The following AGAP1 variants were observed in gnomAD, a reference collection of about 807,000 sequenced individuals.
AGAP1 encodes ArfGAP with GTPase domain, ankyrin repeat and PH domain 1, also known as arf-GAP with GTPase, ANK repeat and PH domain-containing protein 1.
A neutral mutation model predicts 105.3 loss-of-function variants in AGAP1; 29 were observed. That is an observed-to-expected ratio of 0.28 (90% CI 0.21 to 0.38). The LOEUF is 0.38. Among genes scored for constraint, AGAP1 ranks in the 10% least tolerant of loss-of-function variants. AGAP1 has a pLI of 1.00. For synonymous variants in AGAP1, 509 were observed against 485.9 expected, an observed-to-expected ratio of 1.05 and a Z score of -0.63; for missense variants, 998 against 1,165.1, an observed-to-expected ratio of 0.86 and a Z score of 2.09.
At chr2:235,938,441 A>G (rs1336510265) in intron 12 of AGAP1, among the ~76,000 whole-genome samples, 1 of 152,238 alleles carries the variant, frequency 6.6e-6, no homozygotes, top group Non-Finnish European at 1.5e-5. Context: ...GGGTGAGGCC[A>G]TCAGATGTGT....
chr2:235,717,490 T>C, intron 2 of AGAP1, 67 bp from the exon 3 acceptor site: 1 of 1,385,330 alleles, frequency 7.2e-7, no homozygotes, highest in South Asian at 1.3e-5. Context: ...TTTTAGCCTC[T>C]TAGTATTTGC....
intron 1 of AGAP1, chr2:235,507,485 T>G (rs1335566478): frequency 2.6e-5 from 4 of 152,228 alleles, no homozygotes; most frequent in Non-Finnish European, 4.4e-5. Flanking sequence ...TGCTCCAGAT[T>G]CCAGAAATTT....
chr2:235,783,715 G>T (rs1956423478), intron 6 of AGAP1, among the ~76,000 whole-genome samples: 1 of 151,900 alleles, frequency 6.6e-6, no homozygotes, highest in Non-Finnish European at 1.5e-5. Flanking sequence ...TTGCCAGGAA[G>T]TGAGAAGGAG....
chr2:235,894,277 G>A (rs1472968204), intron 10 of AGAP1, among the ~76,000 whole-genome samples: 1 of 152,156 alleles, frequency 6.6e-6, no homozygotes, highest in Non-Finnish European at 1.5e-5. Context: ...CCAGTTGGTT[G>A]GCTATTCTTG....
At chr2:235,922,984 A>G (rs889697912) in intron 11 of AGAP1, among the ~76,000 whole-genome samples, 1 of 152,216 alleles carries the variant, frequency 6.6e-6, no homozygotes, top group Non-Finnish European at 1.5e-5. Context: ...GCAGCTCAGT[A>G]AGCACACACA....
In AGAP1 at chr2:235,815,061, G is replaced by A. The variant is rs537127776; in HGVS notation, c.1050+7730G>A. Among the ~76,000 whole-genome samples the A allele has an allele frequency of 2.6e-5, 4 of 152,240 alleles. No individual in the cohort carries two copies. In the Middle Eastern group the frequency reaches 0.014, roughly 518 times the overall value. ...TATTGACCACTTTTCCGAGTGCCCTGTCCTAGAGCTTTCCACTGCTGTCCC... is the reference window on the plus strand; with the variant it reads ...TATTGACCACTTTTCCGAGTGCCCTATCCTAGAGCTTTCCACTGCTGTCCC... On this transcript the variant is annotated intron_variant, in intron 9 of 17. Transcript: ENST00000304032.
intron 1 of AGAP1, among the ~76,000 whole-genome samples, chr2:235,585,706 A>G (rs1023047361): frequency 6.6e-6 from 1 of 152,176 alleles, no homozygotes; most frequent in African/African-American, 2.4e-5. Flanking sequence ...TTTTACTTAA[A>G]TGTACTTTTT....
rs1290708504 is a variant in AGAP1 at position 235,614,916 on chromosome 2, C to A, written c.164-94263C>A. Among the ~76,000 whole-genome samples, 2 of 152,194 alleles carry A rather than the reference C, an allele frequency of 1.3e-5. No homozygotes were observed. Among genetic ancestry groups the A allele is most frequent in the African/African-American group, 4.8e-5 (2 of 41,452 alleles). ...CAATGCCGTATGTGATATTTTACAA[C>A]AAATTTGGTTCACTGGGGCCGACTT... is the stretch of plus-strand genomic sequence containing the variant. On this transcript the variant is annotated intron_variant, in intron 1 of 17. Coordinates refer to ENST00000304032, the MANE Select transcript of AGAP1 (RefSeq NM_001037131.3). The surrounding 1 kb of genome is among the most constrained non-coding windows in gnomAD (Gnocchi z 4.7).
In AGAP1 at chr2:235,615,642, A is replaced by G. The variant is rs1170548816; in HGVS notation, c.164-93537A>G. Among the ~76,000 whole-genome samples, 1 of 152,150 alleles carries G rather than the reference A, an allele frequency of 6.6e-6. No homozygotes were observed. The highest frequency in any genetic ancestry group is 1.9e-4 in the East Asian group (1 of 5,192). ...CCCTGACTTCACAGGATAGCTATGCATTTTGCCTCTTGGGGAGCTGGGTTA... is the reference window on the plus strand; with the variant it reads ...CCCTGACTTCACAGGATAGCTATGCGTTTTGCCTCTTGGGGAGCTGGGTTA... On this transcript the variant is annotated intron_variant, in intron 1 of 17. Coordinates refer to ENST00000304032, the MANE Select transcript of AGAP1 (RefSeq NM_001037131.3). This position sits in a 1 kb window ranked among gnomAD's most constrained non-coding sequence, Gnocchi z 5.0.
chr2:235,911,124 TTAAA>T (rs996737155), intron 11 of AGAP1, among the ~76,000 whole-genome samples: 6 of 152,236 alleles, frequency 3.9e-5, no homozygotes, highest in Non-Finnish European at 4.4e-5. Context: ...TTAATTTAAC[TTAAA>T]TAAAAATTTA....
At chr2:235,672,535 T>C (rs979919326) in intron 1 of AGAP1, among the ~76,000 whole-genome samples, 17 of 152,226 alleles carry the variant, frequency 1.1e-4, no homozygotes, top group African/African-American at 4.1e-4. Context: ...ATGTATTCTC[T>C]TAAAATATGA....
rs2051331639 is a variant in AGAP1, at chr2:235,906,887, T to G, written c.1156-1851T>G. ...GCCCTGCAATTAAAAGGTGGACTGCTTGCCTGTCATCCCAGCTACTCGGGA... is the reference window on the plus strand; with the variant it reads ...GCCCTGCAATTAAAAGGTGGACTGCGTGCCTGTCATCCCAGCTACTCGGGA... On this transcript the variant is annotated intron_variant, in intron 10 of 17. Transcript: ENST00000304032. This position sits in a 1 kb window ranked among gnomAD's most constrained non-coding sequence, Gnocchi z 5.3. 6.6e-6 allele frequency among the ~76,000 whole-genome samples: 1 copy of G among 152,062 alleles called. No individual in the cohort carries two copies. The highest frequency in any genetic ancestry group is 6.5e-5 in the Admixed American group (1 of 15,276).
At chr2:235,687,966 A>G (rs1949549587) in intron 1 of AGAP1, among the ~76,000 whole-genome samples, 1 of 123,932 alleles carries the variant, frequency 8.1e-6, no homozygotes, top group Non-Finnish European at 1.6e-5. Context: ...CAGTGGCGCC[A>G]TCTTGGCTCA....
rs1433294763 is a variant in AGAP1, at chr2:235,635,718, G to C, written c.164-73461G>C. Among the ~76,000 whole-genome samples the C allele has an allele frequency of 3.3e-5, 5 of 152,154 alleles. No individual in the cohort carries two copies. Among genetic ancestry groups the C allele is most frequent in the African/African-American group, 9.7e-5 (4 of 41,448 alleles). On this transcript the variant is annotated intron_variant, in intron 1 of 17. Transcript: ENST00000304032. This position sits in a 1 kb window ranked among gnomAD's most constrained non-coding sequence, Gnocchi z 5.3. ...GTGCTATGAGGAGCCACGTTGCCCG[G>C]AAGTCTGATGCGTGAGGCGGGAAGG... is the stretch of plus-strand genomic sequence containing the variant.
At chr2:235,644,787 G>A (rs1186819780) in intron 1 of AGAP1, among the ~76,000 whole-genome samples, 1 of 152,158 alleles carries the variant, frequency 6.6e-6, no homozygotes, top group Non-Finnish European at 1.5e-5. Context: ...TGTTACTGAT[G>A]TGTTGACGCT....
In AGAP1 at chr2:235,992,667, A is replaced by G. The variant is rs1195470049; in HGVS notation, c.1645+24044A>G. ...CTCATCAGAGTATGCATTAAGTAGCATTGAACCACATTTTTAAGGTGACTC... is the reference window on the plus strand; with the variant it reads ...CTCATCAGAGTATGCATTAAGTAGCGTTGAACCACATTTTTAAGGTGACTC... On this transcript the variant is annotated intron_variant, in intron 13 of 17. Transcript: ENST00000304032. The surrounding 1 kb of genome is among the most constrained non-coding windows in gnomAD (Gnocchi z 4.8). 1.3e-5 allele frequency among the ~76,000 whole-genome samples: 2 copies of G among 152,238 alleles called. No individual in the cohort carries two copies. Among genetic ancestry groups the G allele is most frequent in the African/African-American group, 4.8e-5 (2 of 41,476 alleles).
At position 236,082,575 on chromosome 2, in the gene AGAP1, C is replaced by G. The variant is rs947338905; in HGVS notation, c.2114+33294C>G. Among the ~76,000 whole-genome samples, 4 of 152,320 alleles carry G rather than the reference C, an allele frequency of 2.6e-5. No individual in the cohort carries two copies. The East Asian group carries it at 5.8e-4, about 22-fold the overall frequency. ...GTGGTGATTGGTTTACAAAATTCACCTAGTTAAAGAAAAGAGGGCCAGGTG... is the reference window on the plus strand; with the variant it reads ...GTGGTGATTGGTTTACAAAATTCACGTAGTTAAAGAAAAGAGGGCCAGGTG... On this transcript the variant is annotated intron_variant, in intron 16 of 17. Coordinates refer to ENST00000304032, the MANE Select transcript of AGAP1 (RefSeq NM_001037131.3). This position sits in a 1 kb window ranked among gnomAD's most constrained non-coding sequence, Gnocchi z 4.2.
chr2:235,909,305 C>G (rs1166716987), intron 11 of AGAP1, among the ~76,000 whole-genome samples: 1 of 152,174 alleles, frequency 6.6e-6, no homozygotes, highest in Non-Finnish European at 1.5e-5. Flanking sequence ...TCAGAGGAAA[C>G]CATTTGACCT....
rs1327670418 is a variant in AGAP1, at chr2:236,090,863, C to A, written c.2115-29329C>A. Among the ~76,000 whole-genome samples the A allele has an allele frequency of 1.3e-5, 2 of 152,206 alleles. No individual in the cohort carries two copies. The highest frequency in any genetic ancestry group is 4.8e-5 in the African/African-American group (2 of 41,452). ...CAAGCGATTCTCATGCCTCAGCCTC[C>A]TGAGTAGCTGGGATTACAGGCATGC... On this transcript the variant is annotated intron_variant, in intron 16 of 17. Coordinates refer to ENST00000304032, the MANE Select transcript of AGAP1 (RefSeq NM_001037131.3). This position sits in a 1 kb window ranked among gnomAD's most constrained non-coding sequence, Gnocchi z 4.3.
Sources: gnomAD v4.1 joint callset for allele counts (sites outside exome capture counted in the v4.1 genomes callset) on GRCh38, gnomAD v4.1.1 for gene constraint, Gnocchi (gnomAD v3.1) non-coding constraint, MANE v1.5 for transcripts, NCBI Gene and HGNC (gene_info 2026-07-23, HGNC 2026-07-21) for gene names.